SEMA6D: variants seen among roughly 807,000 people sequenced by gnomAD.
The protein encoded by SEMA6D is semaphorin 6D.
Under a neutral mutation model 106.6 loss-of-function variants are expected in SEMA6D, and 35 were observed. The ratio of observed to expected loss-of-function variants is 0.33; its 90% CI spans 0.25 to 0.44. The LOEUF is 0.44. Among genes scored for constraint, SEMA6D ranks in the 20% least tolerant of loss-of-function variants. The pLI is 1.00. For synonymous variants in SEMA6D, 499 were observed against 487.7 expected (o/e 1.02, Z -0.31); for missense variants, 1,185 against 1,345.9 (o/e 0.88, Z 1.87).
intron 1 of SEMA6D, among the ~76,000 whole-genome samples, chr15:47,299,998 A>G (rs1428081232): frequency 1.3e-5 from 2 of 152,236 alleles, no homozygotes; most frequent in Admixed American, 1.3e-4. Flanking sequence ...GGGCGTATAC[A>G]TTAACAGATT....
chr15:47,766,071 A>C, intron 14 of SEMA6D, 34 bp from the exon 15 acceptor site: 1 of 1,612,972 alleles, frequency 6.2e-7, no homozygotes, highest in Non-Finnish European at 8.5e-7. Context: ...GTTGATGAGA[A>C]AATCCAAGTT....
At chr15:47,259,875 T>G (rs1295030519) in intron 1 of SEMA6D, among the ~76,000 whole-genome samples, 1 of 152,096 alleles carries the variant, frequency 6.6e-6, no homozygotes, top group Admixed American at 6.5e-5. Flanking sequence ...TCTTTTTTGT[T>G]TTTAAATAGA....
At chr15:47,234,708 T>C (rs962106997) in intron 1 of SEMA6D, among the ~76,000 whole-genome samples, 1 of 152,074 alleles carries the variant, frequency 6.6e-6, no homozygotes, top group Non-Finnish European at 1.5e-5. Context: ...TAGTATTCCA[T>C]GGTGTATATA....
intron 1 of SEMA6D, among the ~76,000 whole-genome samples, chr15:47,352,105 A>G (rs1348240390): frequency 6.6e-6 from 1 of 152,240 alleles, no homozygotes. Flanking sequence ...CACTGAAAGT[A>G]AAGAAATTGT....
At chr15:47,292,032 C>A (rs2035611945) in intron 1 of SEMA6D, among the ~76,000 whole-genome samples, 1 of 152,204 alleles carries the variant, frequency 6.6e-6, no homozygotes, top group Non-Finnish European at 1.5e-5. Flanking sequence ...CAGGAAATCT[C>A]TTTTCTCCAA....
At chr15:47,379,530 GA>G (rs1426076346) in intron 1 of SEMA6D, among the ~76,000 whole-genome samples, 1 of 152,152 alleles carries the variant, frequency 6.6e-6, no homozygotes, top group Admixed American at 6.5e-5. Flanking sequence ...ATAAGCAACT[GA>G]GATGAGGCAA....
chr15:47,644,390 G>A (rs906136877), intron 4 of SEMA6D, among the ~76,000 whole-genome samples: 3 of 152,166 alleles, frequency 2.0e-5, no homozygotes, highest in Admixed American at 6.5e-5. Context: ...AAATCGAATT[G>A]CCTCAACTAT....
At chr15:47,426,780 G>T (rs1359037139) in intron 2 of SEMA6D, among the ~76,000 whole-genome samples, 1 of 152,058 alleles carries the variant, frequency 6.6e-6, no homozygotes, top group Admixed American at 6.6e-5. Context: ...GACTAGTTTT[G>T]AATATGTTTT....
chr15:47,551,428 G>A (rs1256254143), intron 3 of SEMA6D, among the ~76,000 whole-genome samples: 1 of 152,286 alleles, frequency 6.6e-6, no homozygotes. Flanking sequence ...GGCGGACAAA[G>A]TAATACACAC....
At chr15:47,555,513 CATT>C (rs2045891158) in intron 3 of SEMA6D, among the ~76,000 whole-genome samples, 1 of 152,122 alleles carries the variant, frequency 6.6e-6, no homozygotes, top group Non-Finnish European at 1.5e-5. Context: ...ACTAAGTGAT[CATT>C]CCTGAAAAAG....
intron 1 of SEMA6D, among the ~76,000 whole-genome samples, chr15:47,356,167 G>C (rs2038556753): frequency 6.6e-6 from 1 of 152,038 alleles, no homozygotes; most frequent in Non-Finnish European, 1.5e-5. Flanking sequence ...ATTCATTTGA[G>C]AGAGTCGGAG....
chr15:47,628,859 G>A (rs893497801), intron 4 of SEMA6D, among the ~76,000 whole-genome samples: 1 of 151,996 alleles, frequency 6.6e-6, no homozygotes, highest in East Asian at 1.9e-4. Flanking sequence ...TTTTATAAGG[G>A]TTGTAGTTTC....
intron 1 of SEMA6D, among the ~76,000 whole-genome samples, chr15:47,247,683 C>T (rs1170995907): frequency 6.6e-6 from 1 of 152,062 alleles, no homozygotes; most frequent in Non-Finnish European, 1.5e-5. Flanking sequence ...TCTCATTTGA[C>T]AGTGCTTAAT....
At chr15:47,319,790 G>C (rs555495816) in intron 1 of SEMA6D, among the ~76,000 whole-genome samples, 1 of 152,166 alleles carries the variant, frequency 6.6e-6, no homozygotes, top group African/African-American at 2.4e-5. Context: ...ATTTACTATA[G>C]AAACCTGGTT....
intron 2 of SEMA6D, among the ~76,000 whole-genome samples, chr15:47,447,355 G>A (rs2042060055): frequency 6.6e-6 from 1 of 152,076 alleles, no homozygotes; most frequent in Non-Finnish European, 1.5e-5. Context: ...CCAACCTCTG[G>A]GGAAGGAAGA....
rs559464248 is a variant in SEMA6D at position 47,544,480 on chromosome 15, T to C, written c.-86-56385T>C. ...GGACTCAAAAGTAAGTTAAAAATAC[T>C]GTGGTCAATTATATTTTAAAATATG... On this transcript the variant is annotated intron_variant, in intron 3 of 19. Coordinates refer to the SEMA6D transcript ENST00000558014. 1.4e-4 allele frequency among the ~76,000 whole-genome samples: 21 copies of C among 152,278 alleles called. No homozygotes were observed. The South Asian group carries it at 3.5e-3, about 26-fold the overall frequency.
chr15:47,331,757 T>A (rs1380091679), intron 1 of SEMA6D, among the ~76,000 whole-genome samples: 1 of 152,134 alleles, frequency 6.6e-6, no homozygotes, highest in Non-Finnish European at 1.5e-5. Flanking sequence ...GACTGAGGGG[T>A]AAATATAAAC....
chr15:47,437,806 GCT>G (rs1308912938), intron 2 of SEMA6D, among the ~76,000 whole-genome samples: 2 of 151,854 alleles, frequency 1.3e-5, no homozygotes, highest in Admixed American at 1.3e-4. Context: ...AAAACCTTGG[GCT>G]CTCTCTCTCA....
At chr15:47,681,578 A>C (rs530315444) in intron 4 of SEMA6D, among the ~76,000 whole-genome samples, 1 of 152,340 alleles carries the variant, frequency 6.6e-6, no homozygotes, top group East Asian at 1.9e-4. Flanking sequence ...TAACATGTTA[A>C]GAGGATAGAT....
Sources: allele counts gnomAD v4.1 joint callset (sites outside exome capture counted in the v4.1 genomes callset), GRCh38; gene constraint gnomAD v4.1.1; transcripts MANE v1.5; gene names NCBI Gene and HGNC (gene_info 2026-07-23, HGNC 2026-07-21).